Variants in NCOA2 observed in about 807,000 individuals in gnomAD.
NCOA2 encodes the protein class E basic helix-loop-helix protein 75.
In NCOA2, 21 loss-of-function variants were observed where a neutral mutation model predicts 145.1. The observed-to-expected ratio is 0.14, with a 90% confidence interval of 0.10 to 0.21. The LOEUF is 0.21. Ranked by LOEUF, NCOA2 falls within the 10% of genes least tolerant of loss-of-function variation. The pLI is 1.00. For synonymous variants in NCOA2, 619 were observed against 637.5 expected, an observed-to-expected ratio of 0.97 and a Z score of 0.44; for missense variants, 1,472 against 1,837.6, an observed-to-expected ratio of 0.80 and a Z score of 3.64.
intron 1 of NCOA2, among the ~76,000 whole-genome samples, chr8:70,327,110 C>T (rs1394303547): frequency 6.6e-6 from 1 of 152,138 alleles, no homozygotes; most frequent in African/African-American, 2.4e-5. Context: ...GAAGTTTGCT[C>T]GAGGAGATTA....
intron 2 of NCOA2, among the ~76,000 whole-genome samples, chr8:70,266,110 A>T (rs963590305): frequency 5.3e-5 from 8 of 152,236 alleles, no homozygotes; most frequent in African/African-American, 1.9e-4. Flanking sequence ...AAATCGCGCT[A>T]CTGCACTCCA....
At chr8:70,363,744 T>C (rs540187545) in intron 1 of NCOA2, among the ~76,000 whole-genome samples, 45 of 152,012 alleles carry the variant, frequency 3.0e-4, no homozygotes, top group African/African-American at 1.1e-3. Context: ...GAGGGTAGGG[T>C]TGGCACTGAC....
intron 1 of NCOA2, among the ~76,000 whole-genome samples, chr8:70,341,882 C>CA (rs369661204): frequency 3.9e-5 from 6 of 152,170 alleles, no homozygotes; most frequent in African/African-American, 9.7e-5. Context: ...GTTGTCTACT[C>CA]AATGTATTTT....
rs145318000 is a variant in NCOA2 at position 70,372,453 on chromosome 8, C to T, written c.-77+31247G>A. On this transcript the variant is annotated intron_variant, in intron 1 of 22. Transcript: ENST00000452400. ...CAAAGAAGCAATTAACAAGTACAAA[C>T]CAACCCCACCAACCCAAAATCCTAC... 3.3e-5 allele frequency among the ~76,000 whole-genome samples: 5 copies of T among 152,272 alleles called. 1 individual carries two copies. The highest frequency in any genetic ancestry group is 2.1e-4 in the South Asian group (1 of 4,814).
At chr8:70,159,243 T>TATATATATATATATGTATATATATA (rs869045939) in intron 10 of NCOA2, among the ~76,000 whole-genome samples, 1 of 82,080 alleles carries the variant, frequency 1.2e-5, no homozygotes, top group Admixed American at 1.5e-4. Flanking sequence ...TATATATATA[T>TATATATATATATATGTATATATATA]TTTTTTTTTT....
intron 2 of NCOA2, among the ~76,000 whole-genome samples, chr8:70,288,073 C>T (rs1414739619): frequency 6.6e-6 from 1 of 152,092 alleles, no homozygotes; most frequent in Non-Finnish European, 1.5e-5. Flanking sequence ...TTCTCAGTGC[C>T]TTTGTCTACC....
At chr8:70,376,200 C>G (rs1381341014) in intron 1 of NCOA2, among the ~76,000 whole-genome samples, 4 of 152,152 alleles carry the variant, frequency 2.6e-5, no homozygotes, top group African/African-American at 7.2e-5. Context: ...ACAATACTCA[C>G]CAGAAGGCAC....
chr8:70,381,601 C>A (rs1046853402), intron 1 of NCOA2, among the ~76,000 whole-genome samples: 1 of 152,132 alleles, frequency 6.6e-6, no homozygotes, highest in Non-Finnish European at 1.5e-5. Flanking sequence ...TGTAGTGACA[C>A]CATATAATTA....
intron 1 of NCOA2, among the ~76,000 whole-genome samples, chr8:70,339,312 T>C (rs1807912684): frequency 6.6e-6 from 1 of 152,010 alleles, no homozygotes; most frequent in Non-Finnish European, 1.5e-5. Flanking sequence ...AGCCAAATCA[T>C]GAATGAACTC....
intron 12 of NCOA2, 53 bp downstream of exon 12, chr8:70,148,220 G>T: frequency 6.5e-7 from 1 of 1,541,736 alleles, no homozygotes; most frequent in South Asian, 1.1e-5. Context: ...CCCTGTTTCT[G>T]ATAGTGATTA....
intron 4 of NCOA2, among the ~76,000 whole-genome samples, chr8:70,187,534 T>C (rs1313889879): frequency 6.6e-6 from 1 of 152,206 alleles, no homozygotes; most frequent in South Asian, 2.1e-4. Context: ...TGGAAAAGTT[T>C]GAGCCACAAC....
chr8:70,385,174 A>G (rs539113615), intron 1 of NCOA2, among the ~76,000 whole-genome samples: 27 of 152,182 alleles, frequency 1.8e-4, no homozygotes, highest in Non-Finnish European at 3.2e-4. Context: ...AACATCCTCT[A>G]TTTGAATTTA....
At chr8:70,200,253 T>C (rs993781706) in intron 4 of NCOA2, among the ~76,000 whole-genome samples, 2 of 152,102 alleles carry the variant, frequency 1.3e-5, no homozygotes, top group African/African-American at 2.4e-5. Context: ...GCATAAAATA[T>C]GTATATTTAT....
intron 10 of NCOA2, among the ~76,000 whole-genome samples, chr8:70,158,750 T>TCAAAACAAAACAAAAAA (rs1444587587): frequency 6.6e-6 from 1 of 152,032 alleles, no homozygotes. Flanking sequence ...AGACTCTGCC[T>TCAAAACAAAACAAAAAA]CAAAACAAAA....
chr8:70,152,560 G>A (rs991197868), intron 11 of NCOA2, among the ~76,000 whole-genome samples: 2 of 152,084 alleles, frequency 1.3e-5, no homozygotes, highest in Admixed American at 6.5e-5. Flanking sequence ...CTTATCATAC[G>A]TGTCTCAGCA....
chr8:70,418,231 G>A, the NCOA2 span, among the ~76,000 whole-genome samples: 5 of 152,114 alleles, frequency 3.3e-5, no homozygotes, highest in African/African-American at 1.2e-4. Context: ...GCAAGGTATT[G>A]TCACCTAGCT....
intron 1 of NCOA2, chr8:70,357,244 A>T (rs538468265): frequency 1.3e-5 from 2 of 152,320 alleles, no homozygotes; most frequent in South Asian, 4.1e-4. Flanking sequence ...TCCAAAAAAA[A>T]TTAAGAAAAT....
At chr8:70,347,234 T>C (rs1586560715) in intron 1 of NCOA2, among the ~76,000 whole-genome samples, 1 of 152,032 alleles carries the variant, frequency 6.6e-6, no homozygotes, top group Non-Finnish European at 1.5e-5. Context: ...CCTGTAATAC[T>C]AGCACTTTGG....
intron 1 of NCOA2, among the ~76,000 whole-genome samples, chr8:70,303,247 A>G (rs1349469007): frequency 2.6e-5 from 4 of 152,220 alleles, no homozygotes; most frequent in Non-Finnish European, 1.5e-5. Flanking sequence ...GGAGGATGGG[A>G]GACTGGAACT....
Sources: allele counts gnomAD v4.1 joint callset (sites outside exome capture counted in the v4.1 genomes callset), GRCh38; gene constraint gnomAD v4.1.1; transcripts MANE v1.5; gene names NCBI Gene and HGNC (gene_info 2026-07-23, HGNC 2026-07-21).